The following PRR16 variants were observed in gnomAD, a reference collection of about 807,000 sequenced individuals.
The protein encoded by PRR16 is protein Largen.
PRR16 carries 6 observed loss-of-function variants against 18.2 expected under a neutral mutation model. That is an observed-to-expected ratio of 0.33 (90% CI 0.18 to 0.65). The LOEUF (loss-of-function observed/expected upper bound fraction) is 0.65, where lower values mean the gene tolerates loss of function less well. Among genes scored for constraint, PRR16 ranks in the 30% least tolerant of loss-of-function variants. The pLI is 0.74. For synonymous variants in PRR16, 151 were observed against 147.8 expected, an observed-to-expected ratio of 1.02 and a Z score of -0.16; for missense variants, 412 against 376.6, an observed-to-expected ratio of 1.09 and a Z score of -0.78.
intron 1 of PRR16, among the ~76,000 whole-genome samples, chr5:120,520,193 C>T (rs990398785): frequency 2.0e-5 from 3 of 152,080 alleles, no homozygotes; most frequent in Non-Finnish European, 2.9e-5. Flanking sequence ...GTCAGGCGTT[C>T]GAGACCAGTC....
chr5:120,674,353 C>G (rs957305678), intron 1 of PRR16, among the ~76,000 whole-genome samples: 2 of 152,080 alleles, frequency 1.3e-5, no homozygotes, highest in African/African-American at 4.8e-5. Flanking sequence ...CAGAATATCT[C>G]GTTAATTAAC....
At chr5:120,534,495 C>T (rs1405763713) in intron 1 of PRR16, among the ~76,000 whole-genome samples, 3 of 152,106 alleles carry the variant, frequency 2.0e-5, no homozygotes, top group Non-Finnish European at 4.4e-5. Context: ...CCTGAAGTAT[C>T]CTATTGTATC....
At chr5:120,539,967 G>T (rs936502237) in intron 1 of PRR16, among the ~76,000 whole-genome samples, 5 of 151,856 alleles carry the variant, frequency 3.3e-5, no homozygotes, top group African/African-American at 1.2e-4. Flanking sequence ...TGAAATTCAT[G>T]CCTGGCACTT....
chr5:120,623,008 A>G (rs1192415816), intron 1 of PRR16, among the ~76,000 whole-genome samples: 1 of 152,176 alleles, frequency 6.6e-6, no homozygotes, highest in Non-Finnish European at 1.5e-5. Flanking sequence ...GGATTAATTT[A>G]TGAATTTTTT....
chr5:120,725,803 G>T, the PRR16 span, among the ~76,000 whole-genome samples: 2 of 151,708 alleles, frequency 1.3e-5, no homozygotes, highest in African/African-American at 4.8e-5. Context: ...TAAAATACTG[G>T]GTAAAATTGA....
chr5:120,584,404 A>C (rs138048934), intron 1 of PRR16, among the ~76,000 whole-genome samples: 178 of 152,288 alleles, frequency 1.2e-3, no homozygotes, highest in African/African-American at 4.0e-3. Context: ...CTAGCTAAAT[A>C]TAGGGTAATA....
At chr5:120,613,707 C>A (rs1404605492) in intron 1 of PRR16, among the ~76,000 whole-genome samples, 1 of 152,068 alleles carries the variant, frequency 6.6e-6, no homozygotes, top group East Asian at 1.9e-4. Context: ...AAATACTTTT[C>A]CTTTAAGGCA....
At chr5:120,635,682 A>G (rs1016763056) in intron 1 of PRR16, among the ~76,000 whole-genome samples, 3 of 152,094 alleles carry the variant, frequency 2.0e-5, no homozygotes, top group African/African-American at 7.2e-5. Context: ...GGGAAAAGTT[A>G]AAAGCATTTC....
At chr5:120,568,914 A>G (rs1196601520) in intron 1 of PRR16, among the ~76,000 whole-genome samples, 3 of 152,088 alleles carry the variant, frequency 2.0e-5, no homozygotes, top group African/African-American at 7.2e-5. Flanking sequence ...TTCCTGACAA[A>G]CAAACACAAT....
At chr5:120,762,089 C>T in the PRR16 span, among the ~76,000 whole-genome samples, 1 of 152,074 alleles carries the variant, frequency 6.6e-6, no homozygotes, top group African/African-American at 2.4e-5. Flanking sequence ...TTTATACATA[C>T]CACATTTTCT....
intron 1 of PRR16, among the ~76,000 whole-genome samples, chr5:120,476,548 T>A (rs1487056370): frequency 1.3e-5 from 2 of 152,286 alleles, no homozygotes; most frequent in South Asian, 2.1e-4. Context: ...GATCAGGAAG[T>A]TGAACTTGAA....
chr5:120,517,092 T>A (rs1322943015), intron 1 of PRR16, among the ~76,000 whole-genome samples: 1 of 152,144 alleles, frequency 6.6e-6, no homozygotes. Flanking sequence ...CAAAAAAATC[T>A]TTGGCAGCAG....
the PRR16 span, among the ~76,000 whole-genome samples, chr5:120,775,192 C>T: frequency 1.3e-5 from 2 of 152,108 alleles, no homozygotes; most frequent in Non-Finnish European, 2.9e-5. Flanking sequence ...TGAAAATTTA[C>T]TCTTGATATA....
At chr5:120,535,780 CAG>C (rs528193043) in intron 1 of PRR16, among the ~76,000 whole-genome samples, 26 of 151,436 alleles carry the variant, frequency 1.7e-4, no homozygotes, top group Admixed American at 1.3e-3. Context: ...GCCCGAGTGA[CAG>C]AGTGAGATCC....
intron 1 of PRR16, among the ~76,000 whole-genome samples, chr5:120,567,318 T>C (rs554820000): frequency 1.3e-5 from 2 of 152,282 alleles, no homozygotes; most frequent in African/African-American, 4.8e-5. Flanking sequence ...CTACCTCTGA[T>C]AGGACTTCTT....
chr5:120,511,696 A>T (rs1192280526), intron 1 of PRR16, among the ~76,000 whole-genome samples: 1 of 152,200 alleles, frequency 6.6e-6, no homozygotes, highest in African/African-American at 2.4e-5. Context: ...TGTTTAAGAG[A>T]CAATTAGACT....
At chr5:120,763,294 A>G in the PRR16 span, among the ~76,000 whole-genome samples, 3 of 151,802 alleles carry the variant, frequency 2.0e-5, no homozygotes, top group Non-Finnish European at 4.4e-5. Flanking sequence ...CAGGTGCATA[A>G]TCCACCACGT....
intron 1 of PRR16, 54 bp downstream of exon 1, chr5:120,464,699 T>C (rs1356074396): frequency 2.0e-5 from 29 of 1,449,718 alleles, no homozygotes; most frequent in Non-Finnish European, 2.6e-5. Flanking sequence ...CCCTCCGGGG[T>C]CCCCTTTCCG....
intron 1 of PRR16, among the ~76,000 whole-genome samples, chr5:120,515,934 A>G (rs1750975052): frequency 6.6e-6 from 1 of 152,184 alleles, no homozygotes; most frequent in African/African-American, 2.4e-5. Context: ...TGTTTAAGAG[A>G]GCCTCACCTA....
Sources: allele counts gnomAD v4.1 joint callset (sites outside exome capture counted in the v4.1 genomes callset), GRCh38; gene constraint gnomAD v4.1.1; transcripts MANE v1.5; gene names NCBI Gene and HGNC (gene_info 2026-07-23, HGNC 2026-07-21).